The following TENM4 variants were observed in gnomAD, a reference collection of about 807,000 sequenced individuals.
The protein encoded by TENM4 is teneurin transmembrane protein 4.
Under a neutral mutation model 243.3 loss-of-function variants are expected in TENM4, and 82 were observed. The observed-to-expected ratio is 0.34, with a 90% CI of 0.28 to 0.40. TENM4 has a LOEUF of 0.40. Among genes scored for constraint, TENM4 ranks in the 10% least tolerant of loss-of-function variants. The pLI is 1.00. For synonymous variants in TENM4, 1,412 were observed against 1,456.3 expected, an observed-to-expected ratio of 0.97 and a Z score of 0.69; for missense variants, 3,138 against 3,673.3, an observed-to-expected ratio of 0.85 and a Z score of 3.77.
chr11:78,751,549 T>A (rs1364668138), intron 19 of TENM4, among the ~76,000 whole-genome samples: 1 of 152,182 alleles, frequency 6.6e-6, no homozygotes, highest in Non-Finnish European at 1.5e-5. Flanking sequence ...TAATACTGTG[T>A]CCTCAAACCT....
chr11:78,911,018 C>T (rs1486537490), intron 6 of TENM4, among the ~76,000 whole-genome samples: 1 of 152,206 alleles, frequency 6.6e-6, no homozygotes, highest in Non-Finnish European at 1.5e-5. Flanking sequence ...TCTGCTTCCT[C>T]ATTCATTTAG....
chr11:78,856,248 A>C (rs1312208867), intron 10 of TENM4, 70 bp from the exon 11 acceptor site: 2 of 1,351,030 alleles, frequency 1.5e-6, no homozygotes, highest in South Asian at 1.3e-5. Flanking sequence ...AAACCAGGGC[A>C]TCTGAACACC....
chr11:79,097,734 A>C (rs1238436715), intron 4 of TENM4: 1 of 152,098 alleles, frequency 6.6e-6, no homozygotes, highest in Non-Finnish European at 1.5e-5. Flanking sequence ...GAACATGTGA[A>C]TCCGTCTCAA....
At chr11:79,313,787 C>T (rs146011430) in intron 1 of TENM4, among the ~76,000 whole-genome samples, 4 of 152,170 alleles carry the variant, frequency 2.6e-5, no homozygotes, top group African/African-American at 9.7e-5. Flanking sequence ...AGTAATGGCC[C>T]TGCCTCGGAC....
chr11:79,066,644 G>GCA (rs544475684), intron 5 of TENM4, among the ~76,000 whole-genome samples: 2 of 150,334 alleles, frequency 1.3e-5, no homozygotes, highest in Admixed American at 6.6e-5. Flanking sequence ...ACACACAAGT[G>GCA]CACACACACG....
intron 1 of TENM4, among the ~76,000 whole-genome samples, chr11:79,306,173 T>A (rs1856622922): frequency 6.6e-6 from 1 of 151,970 alleles, no homozygotes; most frequent in Non-Finnish European, 1.5e-5. Flanking sequence ...TGTGCTCATC[T>A]TTGAGGGTTG....
At chr11:79,229,893 C>T (rs887358680) in intron 2 of TENM4, among the ~76,000 whole-genome samples, 33 of 151,748 alleles carry the variant, frequency 2.2e-4, no homozygotes, top group Admixed American at 2.2e-3. Context: ...GTGGTGTGAT[C>T]ACAGCTCACT....
intron 15 of TENM4, among the ~76,000 whole-genome samples, chr11:78,801,944 C>T (rs1189065029): frequency 1.3e-5 from 2 of 152,196 alleles, no homozygotes; most frequent in African/African-American, 2.4e-5. Flanking sequence ...CAAATTTCCT[C>T]ACCTAATCCT....
Position 78,812,345 on chromosome 11 carries a change from G to T in TENM4, c.1784-29C>A, listed in dbSNP as rs760427966. 20 of 1,545,234 alleles carry T rather than the reference G, an allele frequency of 1.3e-5. No individual in the cohort carries two copies. The South Asian group carries it at 2.4e-4, about 18-fold the overall frequency. ...GGGAGACAGCACCGGAGTCTGGCAT[G>T]AATCAATGTCCAGCACACCCCAACT... On this transcript the variant is annotated intron_variant, in intron 13 of 33. Transcript: ENST00000278550.
chr11:78,875,741 C>T (rs1395119976), intron 9 of TENM4, among the ~76,000 whole-genome samples: 2 of 152,122 alleles, frequency 1.3e-5, no homozygotes, highest in Non-Finnish European at 2.9e-5. Context: ...GCATGGTGCC[C>T]CTGTTTGCAC....
At chr11:79,241,290 C>T (rs1232291112) in intron 2 of TENM4, among the ~76,000 whole-genome samples, 1 of 151,830 alleles carries the variant, frequency 6.6e-6, no homozygotes, top group East Asian at 1.9e-4. Context: ...AGGGAGAAAC[C>T]TAAAAGGAGG....
At chr11:78,693,505 A>G (rs1319997033) in intron 28 of TENM4, among the ~76,000 whole-genome samples, 1 of 152,206 alleles carries the variant, frequency 6.6e-6, no homozygotes, top group Non-Finnish European at 1.5e-5. Context: ...CTGTTTTCCC[A>G]AGTCTCAGGT....
At chr11:79,133,125 G>C (rs1206186618) in intron 4 of TENM4, among the ~76,000 whole-genome samples, 1 of 152,054 alleles carries the variant, frequency 6.6e-6, no homozygotes, top group Non-Finnish European at 1.5e-5. Context: ...AAGAAAAGAA[G>C]AGAGAAAATC....
At chr11:79,291,358 G>A (rs562609) in intron 2 of TENM4, among the ~76,000 whole-genome samples, 81,430 of 151,998 alleles carry the variant, frequency 0.54, 23,211 homozygotes, top group Middle Eastern at 0.68. Flanking sequence ...TTGCAAACAA[G>A]AGTAAAATTC....
chr11:79,252,101 T>C (rs1855621210), intron 2 of TENM4, among the ~76,000 whole-genome samples: 1 of 152,164 alleles, frequency 6.6e-6, no homozygotes, highest in South Asian at 2.1e-4. Flanking sequence ...TCTCGGAGTG[T>C]TGGTTTTCTT....
chr11:78,719,430 C>T (rs1859595449), intron 25 of TENM4, among the ~76,000 whole-genome samples: 1 of 152,088 alleles, frequency 6.6e-6, no homozygotes, highest in Non-Finnish European at 1.5e-5. Flanking sequence ...ATAACACATA[C>T]AATTATTACA....
intron 32 of TENM4, among the ~76,000 whole-genome samples, chr11:78,662,546 T>G (rs117531160): frequency 1.9e-3 from 285 of 152,296 alleles, no homozygotes; most frequent in Non-Finnish European, 3.2e-3. Context: ...GGCATGGGAA[T>G]AATTGATTTG....
chr11:78,889,580 G>A (rs1391507059), intron 9 of TENM4, among the ~76,000 whole-genome samples: 1 of 152,212 alleles, frequency 6.6e-6, no homozygotes, highest in African/African-American at 2.4e-5. Flanking sequence ...AGTGCAGAGG[G>A]ATGGAGAGGA....
At chr11:78,952,411 G>A (rs1857125836) in intron 6 of TENM4, among the ~76,000 whole-genome samples, 2 of 152,330 alleles carry the variant, frequency 1.3e-5, no homozygotes, top group South Asian at 4.1e-4. Flanking sequence ...GGAAACCCAG[G>A]GAGGGCACTA....
Sources: gnomAD v4.1 joint callset for allele counts (sites outside exome capture counted in the v4.1 genomes callset) on GRCh38, gnomAD v4.1.1 for gene constraint, MANE v1.5 for transcripts, NCBI Gene and HGNC (gene_info 2026-07-23, HGNC 2026-07-21) for gene names.